PALMD: variants seen among roughly 807,000 people sequenced by gnomAD.
The protein encoded by PALMD is paralemmin-like protein.
A neutral mutation model predicts 56.2 loss-of-function variants in PALMD; 42 were observed. The observed-to-expected ratio is 0.75, with a 90% CI of 0.58 to 0.97. The LOEUF is 0.97. PALMD is among the 50% of genes least tolerant of loss of function. The pLI is 0.00. For synonymous variants in PALMD, 242 were observed against 222.9 expected, an observed-to-expected ratio of 1.09 and a Z score of -0.76; for missense variants, 660 against 643.8, an observed-to-expected ratio of 1.03 and a Z score of -0.27.
intron 1 of PALMD, among the ~76,000 whole-genome samples, chr1:99,657,780 A>G (rs1193698568): frequency 6.6e-6 from 1 of 152,146 alleles, no homozygotes; most frequent in African/African-American, 2.4e-5. Context: ...TTGCTGTTCT[A>G]AGTAATGTCC....
chr1:99,689,617 G>T lies in PALMD; in HGVS notation c.1357G>T (p.Glu453Ter). ...ELVVIDDEEEEDEGEAEKPSY... is the reference protein window; with the variant it reads ...ELVVIDDEEE ...GGTTGTGATTGATGATGAGGAGGAG[G>T]AGGATGAAGGAGAAGCAGAGAAACC... is the stretch of plus-strand genomic sequence containing the variant. Residue 453 changes from glutamate (E) to a stop codon, truncating the protein, a stop_gained, in exon 7 of 8, where the codon GAG (glutamate) becomes TAG (stop). Transcript: ENST00000263174. LOFTEE classifies it high-confidence loss of function. 1 of 1,613,808 alleles carries T rather than the reference G, an allele frequency of 6.2e-7. No homozygotes were observed. The highest frequency in any genetic ancestry group is 8.5e-7 in the Non-Finnish European group (1 of 1,179,862).
At chr1:99,683,626 C>G (rs187690950) in intron 3 of PALMD, 1 of 152,330 alleles carries the variant, frequency 6.6e-6, no homozygotes, top group East Asian at 1.9e-4. Context: ...ATTACACCAT[C>G]TTCATCTAGA....
rs887407636 is a variant in PALMD, at chr1:99,687,176, A to G, written c.501A>G (p.Glu167=). The G allele has an allele frequency of 1.2e-6, 2 of 1,602,732 alleles. No homozygotes were observed. Among genetic ancestry groups the G allele is most frequent in the Admixed American group, 1.7e-5 (1 of 58,596 alleles). Residue 167 remains glutamate (E), a synonymous_variant, in exon 6 of 8, where the codon GAA becomes GAG. Coordinates refer to ENST00000263174, the MANE Select transcript of PALMD (RefSeq NM_017734.5). ...KEINEEKEDD[E]QNRKALYAME... is the part of the protein sequence containing the mutation. ...TAAATGAAGAAAAAGAAGATGATGA[A>G]CAAAATAGGAAAGGTATATGAGAAA...
chr1:99,693,920 G>T (rs1214548599), intron 7 of PALMD, 99 bp from the exon 8 acceptor site: 3 of 751,312 alleles, frequency 4.0e-6, no homozygotes, highest in African/African-American at 1.8e-5. Context: ...AAAACCATCT[G>T]AGGTATGTTC....
chr1:99,683,145 A>G (rs1653408471), intron 3 of PALMD: 1 of 126,670 alleles, frequency 7.9e-6, no homozygotes, highest in African/African-American at 3.9e-5. Context: ...AAAGAAAGAA[A>G]GAAAGAAAGA....
chr1:99,677,221 T>C (rs1011678106), intron 3 of PALMD, among the ~76,000 whole-genome samples: 1 of 152,074 alleles, frequency 6.6e-6, no homozygotes, highest in South Asian at 2.1e-4. Flanking sequence ...AAATGCAAGA[T>C]ACTAATGAGT....
In PALMD at chr1:99,688,820, G is replaced by A. The variant is rs567497736; in HGVS notation, c.560G>A (p.Gly187Glu). The change falls in exon 7 of 8, where the codon GGA (glycine) becomes GAA (glutamate). Residue 187 changes from glycine to glutamate, a missense_variant. Physicochemically the swap from Gly to Glu is moderately conservative, Grantham distance 98. Transcript: ENST00000263174. Reference sequence around the variant, plus strand: ...AAAGTTGAAAAAGACTTGAAGACTGGAGAAAGTACAGTTCTGTCTTCAATA... The same window carrying A: ...AAAGTTGAAAAAGACTTGAAGACTGAAGAAAGTACAGTTCTGTCTTCAATA... ...EIKVEKDLKT[G>E]ESTVLSSIPL... 132 of 1,608,758 alleles carry A rather than the reference G, an allele frequency of 8.2e-5. No homozygotes were observed. In the South Asian group the frequency reaches 1.3e-3, roughly 16 times the overall value.
intron 1 of PALMD, among the ~76,000 whole-genome samples, chr1:99,648,838 C>T (rs996517521): frequency 6.7e-6 from 1 of 149,722 alleles, no homozygotes; most frequent in Non-Finnish European, 1.5e-5. Context: ...AACGTATATA[C>T]CTAGAATTTG....
intron 1 of PALMD, among the ~76,000 whole-genome samples, chr1:99,656,923 C>T (rs533920417): frequency 6.6e-6 from 1 of 152,270 alleles, no homozygotes; most frequent in East Asian, 1.9e-4. Flanking sequence ...CCTTTGTGCT[C>T]CCCGCAATCT....
At chr1:99,693,997 T>TC in intron 7 of PALMD, 22 bp from the exon 8 acceptor site, 1 of 1,506,708 alleles carries the variant, frequency 6.6e-7, no homozygotes, top group Middle Eastern at 1.8e-4. Flanking sequence ...TATAACTCTC[T>TC]TTTTTTTTCT....
In PALMD at chr1:99,659,655, C is replaced by T. The variant is rs375197346; in HGVS notation, c.46-2664C>T. Reference sequence around the variant, plus strand: ...TAAGGTTGACTTATAGTTTATTCTGCTATACTGAAACTAAGTTATTGTCAT... The same window carrying T: ...TAAGGTTGACTTATAGTTTATTCTGTTATACTGAAACTAAGTTATTGTCAT... On this transcript the variant is annotated intron_variant, in intron 1 of 7. Transcript: ENST00000263174. Among the ~76,000 whole-genome samples the T allele has an allele frequency of 1.4e-4, 22 of 152,312 alleles. No individual in the cohort carries two copies. The East Asian group carries it at 1.7e-3, about 12-fold the overall frequency.
In PALMD at chr1:99,694,068, G is replaced by T; in HGVS notation, c.*6G>T. On this transcript the variant is annotated 3_prime_UTR_variant, in exon 8 of 8. Transcript: ENST00000263174. Reference sequence around the variant, plus strand: ...TGGGAAAAAAGGTGATCTAAGAGTTGTACCACCTATATAAACATCCTTTGA... The same window carrying T: ...TGGGAAAAAAGGTGATCTAAGAGTTTTACCACCTATATAAACATCCTTTGA... 10 of 1,572,210 alleles carry T rather than the reference G, an allele frequency of 6.4e-6. No individual in the cohort carries two copies. Among genetic ancestry groups the T allele is most frequent in the Non-Finnish European group, 8.7e-6 (10 of 1,144,360 alleles).
intron 7 of PALMD, among the ~76,000 whole-genome samples, chr1:99,692,584 T>G (rs1483501277): frequency 6.6e-6 from 1 of 152,148 alleles, no homozygotes; most frequent in Non-Finnish European, 1.5e-5. Flanking sequence ...AAGCAGACTC[T>G]AGCAAACTTC....
intron 1 of PALMD, among the ~76,000 whole-genome samples, chr1:99,659,098 C>G (rs1309838189): frequency 1.3e-5 from 2 of 152,172 alleles, no homozygotes; most frequent in Non-Finnish European, 2.9e-5. Context: ...TTCTGCCTTC[C>G]TGACAGGACT....
At chr1:99,670,910 C>A (rs1557670611) in intron 3 of PALMD, among the ~76,000 whole-genome samples, 1 of 151,962 alleles carries the variant, frequency 6.6e-6, no homozygotes, top group African/African-American at 2.4e-5. Flanking sequence ...AACAAAAAAA[C>A]AAAAAAACAA....
intron 3 of PALMD, among the ~76,000 whole-genome samples, chr1:99,680,593 C>G (rs1269576158): frequency 6.6e-6 from 1 of 152,070 alleles, no homozygotes; most frequent in East Asian, 1.9e-4. Context: ...GAGCTCAATT[C>G]CCATTCTGAA....
Position 99,667,761 on chromosome 1 carries a change from C to T in PALMD, c.246C>T (p.Ile82=), listed in dbSNP as rs1170752240. 1 of 1,613,440 alleles carries T rather than the reference C, an allele frequency of 6.2e-7. No individual in the cohort carries two copies. The highest frequency in any genetic ancestry group is 8.5e-7 in the Non-Finnish European group (1 of 1,179,518). Residue 82 remains isoleucine (I), a synonymous_variant, in exon 3 of 8, where the codon ATC becomes ATT. Transcript: ENST00000263174. ...QHQIQVLEQS[I]LRLEKEIQDL... is the part of the protein sequence containing the mutation. ...AGATCCAGGTTCTAGAACAAAGTAT[C>T]CTCAGGTATGGCCCTCACTGAGATA...
In PALMD at chr1:99,646,448, C is replaced by A. The variant is rs926760611; in HGVS notation, c.45+86C>A. 2.2e-5 allele frequency: 22 copies of A among 987,670 alleles called. No individual in the cohort carries two copies. The African/African-American group carries it at 3.2e-4, about 14-fold the overall frequency. 61.2% of individuals were successfully genotyped at this position (987,670 alleles called of 1,614,324 possible). A position where few individuals can be genotyped will look rare whatever the true frequency, so the allele number is the denominator to read the frequency against. On this transcript the variant is annotated intron_variant, in intron 1 of 7. Transcript: ENST00000263174. ...CCGGCTGCCCCTGTCGCTGAGCCCT[C>A]GCAAGTGGAAAAACAGAACTGTCAG...
intron 7 of PALMD, among the ~76,000 whole-genome samples, chr1:99,692,099 G>T (rs1395329763): frequency 6.6e-6 from 1 of 152,144 alleles, no homozygotes; most frequent in Non-Finnish European, 1.5e-5. Context: ...TTCCACCATT[G>T]CATGGCCCCA....
Sources: allele counts gnomAD v4.1 joint callset (sites outside exome capture counted in the v4.1 genomes callset), GRCh38; gene constraint gnomAD v4.1.1; transcripts MANE v1.5; gene names NCBI Gene and HGNC (gene_info 2026-07-23, HGNC 2026-07-21).